The following DCC variants were observed in gnomAD, a reference collection of about 807,000 sequenced individuals.
The protein encoded by DCC is DCC netrin 1 receptor.
A neutral mutation model predicts 172.5 loss-of-function variants in DCC; 58 were observed. The observed-to-expected ratio is 0.34, with a 90% CI of 0.27 to 0.42. The LOEUF is 0.42. Ranked by LOEUF, DCC falls within the 10% of genes least tolerant of loss-of-function variation. The pLI is 1.00. For synonymous variants in DCC, 709 were observed against 644.5 expected, an observed-to-expected ratio of 1.10 and a Z score of -1.52; for missense variants, 1,740 against 1,791.0, an observed-to-expected ratio of 0.97 and a Z score of 0.51.
intron 12 of DCC, among the ~76,000 whole-genome samples, chr18:53,235,776 C>T (rs1380967345): frequency 1.3e-5 from 2 of 152,098 alleles, no homozygotes; most frequent in African/African-American, 2.4e-5. Context: ...CAATACATCG[C>T]CGTTCCCCTC....
chr18:53,151,468 T>C (rs1404283068), intron 7 of DCC, among the ~76,000 whole-genome samples: 1 of 152,214 alleles, frequency 6.6e-6, no homozygotes, highest in Non-Finnish European at 1.5e-5. Context: ...ACATGATAGA[T>C]ATTCCATCAA....
At chr18:53,055,238 T>A (rs1259592749) in intron 5 of DCC, among the ~76,000 whole-genome samples, 4 of 152,192 alleles carry the variant, frequency 2.6e-5, no homozygotes, top group Non-Finnish European at 4.4e-5. Context: ...CACAATGGGA[T>A]GAATTGCTGT....
chr18:53,425,357 C>T lies in DCC; in HGVS notation c.3163+9201C>T, dbSNP rs374071101. 5.3e-3 allele frequency among the ~76,000 whole-genome samples: 543 copies of T among 101,538 alleles called. 7 individuals carry two copies. Among genetic ancestry groups the T allele is most frequent in the Admixed American group, 0.018 (151 of 8,604 alleles). The allele number at this position is 101,538 out of a possible 152,430, so 66.6% of individuals were successfully genotyped here. A position where few individuals can be genotyped will look rare whatever the true frequency, so the allele number is the denominator to read the frequency against. ...CCACAATTTTCCCCGTTTCTCCTCT[C>T]TTTTTTTTTTTTTTTTTTTTGAGAC... On this transcript the variant is annotated intron_variant, in intron 21 of 28. Transcript: ENST00000442544.
intron 1 of DCC, among the ~76,000 whole-genome samples, chr18:52,746,828 G>A (rs1050257579): frequency 5.9e-5 from 9 of 151,920 alleles, no homozygotes; most frequent in Non-Finnish European, 1.2e-4. Context: ...CATTCCTCAA[G>A]GGTAGGCCTT....
At position 53,308,326 on chromosome 18, in the gene DCC, T is replaced by TA. The variant is rs997103276; in HGVS notation, c.2053+2614dup. Among the ~76,000 whole-genome samples the TA allele has an allele frequency of 1.8e-4, 27 of 152,144 alleles. 1 individual carries two copies. The South Asian group carries it at 3.1e-3, about 18-fold the overall frequency. On this transcript the variant is annotated intron_variant, in intron 13 of 28. Transcript: ENST00000442544. ...TATTAGTACAAGAGCTCGTATTTAT[T>TA]AAAAAAAGCATTCACATAAAAATAT...
chr18:53,392,926 T>G (rs1908658528), intron 17 of DCC, among the ~76,000 whole-genome samples: 1 of 152,212 alleles, frequency 6.6e-6, no homozygotes, highest in African/African-American at 2.4e-5. Flanking sequence ...AAGTCAGTTT[T>G]GAAAATAAGA....
chr18:52,356,303 G>A (rs1286784430), intron 1 of DCC, among the ~76,000 whole-genome samples: 2 of 152,074 alleles, frequency 1.3e-5, no homozygotes, highest in East Asian at 3.9e-4. Context: ...CTGCACTACT[G>A]GAATAAGTCT....
rs182743160 is a variant in DCC, at chr18:52,902,337, T to C, written c.413-3707T>C. 3.0e-3 allele frequency among the ~76,000 whole-genome samples: 454 copies of C among 152,316 alleles called. 2 individuals carry two copies. The highest frequency in any genetic ancestry group is 3.8e-3 in the Non-Finnish European group (256 of 68,014). ...TGTAGGAGCACTGATATTTTGACTATGTTTGGAATGCATTCGAGTGAGGAA... is the reference window on the plus strand; with the variant it reads ...TGTAGGAGCACTGATATTTTGACTACGTTTGGAATGCATTCGAGTGAGGAA... On this transcript the variant is annotated intron_variant, in intron 2 of 28. Transcript: ENST00000442544.
Position 52,971,879 on chromosome 18 carries a change from AG to A in DCC, c.985+46510del, listed in dbSNP as rs138146167. Among the ~76,000 whole-genome samples the A allele has an allele frequency of 3.7e-3, 556 of 152,242 alleles. 24 individuals carry two copies. In the East Asian group the frequency reaches 0.068, roughly 19 times the overall value. On this transcript the variant is annotated intron_variant, in intron 5 of 28. Coordinates refer to ENST00000442544, the MANE Select transcript of DCC (RefSeq NM_005215.4). The stretch of plus-strand genomic sequence containing the variant: ...TCCCTGGATCTCTTTCCTGCTATGT[AG>A]TCTCCATACACAACAAACTTTAACA...
intron 12 of DCC, among the ~76,000 whole-genome samples, chr18:53,278,214 A>T (rs1233920298): frequency 2.0e-5 from 3 of 152,160 alleles, no homozygotes; most frequent in Non-Finnish European, 4.4e-5. Context: ...TTTCATTCAC[A>T]TATTGGGAAT....
intron 2 of DCC, among the ~76,000 whole-genome samples, chr18:52,827,182 A>G (rs1328283194): frequency 6.6e-6 from 1 of 152,186 alleles, no homozygotes; most frequent in Non-Finnish European, 1.5e-5. Context: ...GAGAACACCT[A>G]TTGAGGTTAG....
At chr18:52,971,140 A>C (rs751953142) in intron 5 of DCC, among the ~76,000 whole-genome samples, 53 of 152,158 alleles carry the variant, frequency 3.5e-4, no homozygotes, top group Admixed American at 1.0e-3. Context: ...GCAGAAAAAA[A>C]ACACAGCTTT....
At chr18:52,813,447 G>T (rs947239493) in intron 2 of DCC, among the ~76,000 whole-genome samples, 1 of 152,150 alleles carries the variant, frequency 6.6e-6, no homozygotes, top group Admixed American at 6.5e-5. Context: ...GTCTCATCTG[G>T]ATTATCAACT....
chr18:52,797,937 C>T (rs2037908272), intron 2 of DCC, among the ~76,000 whole-genome samples: 1 of 150,384 alleles, frequency 6.6e-6, no homozygotes, highest in Non-Finnish European at 1.5e-5. Flanking sequence ...GTGAGGCAGG[C>T]CTGTTCTCAG....
intron 1 of DCC, among the ~76,000 whole-genome samples, chr18:52,489,790 C>A (rs966090276): frequency 2.6e-5 from 4 of 152,092 alleles, no homozygotes; most frequent in Admixed American, 1.3e-4. Context: ...GGAATGAAAT[C>A]TCTTTCATCT....
intron 2 of DCC, among the ~76,000 whole-genome samples, chr18:52,880,965 A>G (rs1399167433): frequency 6.6e-6 from 1 of 152,058 alleles, no homozygotes; most frequent in Non-Finnish European, 1.5e-5. Context: ...TGTCTAATTT[A>G]CTTTCCCACC....
intron 1 of DCC, among the ~76,000 whole-genome samples, chr18:52,723,340 G>A (rs575782733): frequency 3.3e-5 from 5 of 152,258 alleles, no homozygotes; most frequent in South Asian, 4.1e-4. Flanking sequence ...CCATTCAGAC[G>A]CTTTACTGGT....
chr18:52,661,103 A>G (rs1460836509), intron 1 of DCC, among the ~76,000 whole-genome samples: 3 of 152,214 alleles, frequency 2.0e-5, no homozygotes, highest in Non-Finnish European at 4.4e-5. Flanking sequence ...TGAAAGGTGG[A>G]TGGATAAATA....
intron 2 of DCC, among the ~76,000 whole-genome samples, chr18:52,842,275 C>T (rs776220499): frequency 2.0e-5 from 3 of 152,032 alleles, no homozygotes; most frequent in Non-Finnish European, 4.4e-5. Flanking sequence ...AGAGACAGAG[C>T]TTTACTATAA....
Sources: gnomAD v4.1 joint callset for allele counts (sites outside exome capture counted in the v4.1 genomes callset) on GRCh38, gnomAD v4.1.1 for gene constraint, MANE v1.5 for transcripts, NCBI Gene and HGNC (gene_info 2026-07-23, HGNC 2026-07-21) for gene names.